Variants in WDR20 observed in about 807,000 individuals in gnomAD.
WDR20 encodes the protein WD repeat-containing protein 20.
A neutral mutation model predicts 38.7 loss-of-function variants in WDR20; 3 were observed. That is an observed-to-expected ratio of 0.08 (90% confidence interval 0.04 to 0.20). WDR20 has a LOEUF of 0.20. Among genes scored for constraint, WDR20 ranks in the 10% least tolerant of loss-of-function variants. The probability of loss-of-function intolerance (pLI) is 1.00; values close to 1 mark genes in which losing one functional copy is unlikely to be tolerated. For missense variants in WDR20, 559 were observed against 727.7 expected, an observed-to-expected ratio of 0.77 and a Z score of 2.67; for synonymous variants, 298 against 285.6, an observed-to-expected ratio of 1.04 and a Z score of -0.44.
chr14:102,149,254 C>T (rs149011174), intron 1 of WDR20, among the ~76,000 whole-genome samples: 1 of 152,308 alleles, frequency 6.6e-6, no homozygotes, highest in East Asian at 1.9e-4. Context: ...TGACCTTGAA[C>T]TCCTGGGCTC....
chr14:102,151,173 A>ATT (rs534503694), intron 1 of WDR20, among the ~76,000 whole-genome samples: 2,136 of 111,384 alleles, frequency 0.019, 47 homozygotes, highest in Middle Eastern at 0.038. Context: ...CCATTGGGGA[A>ATT]TTTTTTTTTT....
downstream of WDR20, among the ~76,000 whole-genome samples, chr14:102,223,868 CTGTG>C (rs368794017): frequency 2.0e-4 from 31 of 152,184 alleles, no homozygotes; most frequent in African/African-American, 7.5e-4. Flanking sequence ...CCTCAGCTGT[CTGTG>C]GCCACTGTGG....
At chr14:102,160,098 T>C (rs2058306653) in intron 1 of WDR20, among the ~76,000 whole-genome samples, 1 of 152,204 alleles carries the variant, frequency 6.6e-6, no homozygotes, top group South Asian at 2.1e-4. Flanking sequence ...AGCGAAACCC[T>C]GTCTCTAAAA....
At chr14:102,163,411 T>G (rs2059152773) in intron 1 of WDR20, among the ~76,000 whole-genome samples, 1 of 151,994 alleles carries the variant, frequency 6.6e-6, no homozygotes, top group Non-Finnish European at 1.5e-5. Flanking sequence ...GCGGATCACC[T>G]GAGGTCAGGA....
chr14:102,219,314 G>C (rs1373627124), downstream of WDR20, among the ~76,000 whole-genome samples: 1 of 152,254 alleles, frequency 6.6e-6, no homozygotes, highest in African/African-American at 2.4e-5. Flanking sequence ...GCAAGTGACA[G>C]GTGCCAAGAT....
intron 1 of WDR20, among the ~76,000 whole-genome samples, chr14:102,152,153 T>C (rs548068396): frequency 2.6e-5 from 4 of 152,088 alleles, no homozygotes; most frequent in Admixed American, 1.3e-4. Context: ...TGACCTGATA[T>C]CATCCTCCCA....
rs959320755 is a variant in WDR20, at chr14:102,149,096, C to T, written c.249+8924C>T. On this transcript the variant is annotated intron_variant, in intron 1 of 2. Transcript: ENST00000342702. ...GAGAATACTTGAACCCGGGAGGTGG[C>T]GCTTGCAGTGAGCTGAGATCGTGCC... Among the ~76,000 whole-genome samples, 8 of 151,958 alleles carry T rather than the reference C, an allele frequency of 5.3e-5. No individual in the cohort carries two copies. The East Asian group carries it at 5.8e-4, about 11-fold the overall frequency.
intron 1 of WDR20, chr14:102,191,460 A>ATT (rs1195748827): frequency 6.6e-6 from 1 of 152,346 alleles, no homozygotes; most frequent in African/African-American, 2.4e-5. Context: ...ATCAGTGGAA[A>ATT]TTGAGTTAGA....
At position 102,207,977 on chromosome 14, in the gene WDR20, C is replaced by T. The variant is rs116708519; in HGVS notation, c.433-626C>T. The stretch of plus-strand genomic sequence containing the variant: ...TCGAGGAGATGCTTATGGAGATGCA[C>T]GTGGGGCGGTGCATGGGAGTGAGGC... On this transcript the variant is annotated intron_variant, in intron 2 of 2. Transcript: ENST00000342702. This position sits in a 1 kb window ranked among gnomAD's most constrained non-coding sequence, Gnocchi z 5.0. Among the ~76,000 whole-genome samples the T allele has an allele frequency of 4.7e-3, 708 of 152,256 alleles. 5 individuals carry two copies. The highest frequency in any genetic ancestry group is 0.016 in the African/African-American group (656 of 41,558).
At chr14:102,218,538 T>C (rs1426090138), downstream of WDR20, among the ~76,000 whole-genome samples, 1 of 152,238 alleles carries the variant, frequency 6.6e-6, no homozygotes, top group Non-Finnish European at 1.5e-5. Context: ...TATTGTAAAT[T>C]GTTTTGAACC....
chr14:102,168,765 C>CTGTT (rs1049032700), intron 1 of WDR20, among the ~76,000 whole-genome samples: 16 of 152,178 alleles, frequency 1.1e-4, no homozygotes, highest in Admixed American at 2.6e-4. Context: ...TCAGTAGAGC[C>CTGTT]TGTTGACTCT....
chr14:102,144,613 A>G (rs2052899008), intron 1 of WDR20, among the ~76,000 whole-genome samples: 1 of 152,172 alleles, frequency 6.6e-6, no homozygotes, highest in Admixed American at 6.5e-5. Flanking sequence ...GCCTCCATTC[A>G]GATCTCAGCT....
At chr14:102,213,222 T>C, downstream of WDR20, 1 of 985,492 alleles carries the variant, frequency 1.0e-6, no homozygotes, top group Non-Finnish European at 1.2e-6. Context: ...TGAGGCTTTT[T>C]TCTTATTCAG....
Position 102,207,770 on chromosome 14 carries a change from G to T in WDR20, c.433-833G>T, listed in dbSNP as rs2061818698. Among the ~76,000 whole-genome samples the T allele has an allele frequency of 6.6e-6, 1 of 152,118 alleles. No individual in the cohort carries two copies. Among genetic ancestry groups the T allele is most frequent in the Non-Finnish European group, 1.5e-5 (1 of 68,020 alleles). ...AGGGAAAGAGACTTGTGCCTTTGGT[G>T]GGGCAGGTATTTTTGCCCTTCGTTA... is the stretch of plus-strand genomic sequence containing the variant. On this transcript the variant is annotated intron_variant, in intron 2 of 2. Transcript: ENST00000342702. This position sits in a 1 kb window ranked among gnomAD's most constrained non-coding sequence, Gnocchi z 5.0.
intron 1 of WDR20, among the ~76,000 whole-genome samples, chr14:102,194,125 G>A (rs989468845): frequency 2.5e-4 from 38 of 152,218 alleles, no homozygotes; most frequent in Admixed American, 1.2e-3. Flanking sequence ...GTATGGTGAC[G>A]TTGGTCAAGT....
rs141952409 is a variant in WDR20, at chr14:102,209,701, A to G, written c.1531A>G (p.Thr511Ala). The part of the protein sequence containing the change: ...TKTDPAKTLG[T>A]PLCPRMEDVP... The stretch of plus-strand genomic sequence containing the variant: ...AACGGACCCTGCTAAAACTCTGGGA[A>G]CGCCCCTGTGTCCTCGAATGGAAGA... The change falls in exon 3 of 3, where the codon ACG (threonine) becomes GCG (alanine). Residue 511 changes from threonine to alanine, a missense_variant. By Grantham distance (58) the Thr-to-Ala change is moderately conservative. Transcript: ENST00000342702. The surrounding 1 kb of genome is among the most constrained non-coding windows in gnomAD (Gnocchi z 6.0). 6.2e-6 allele frequency: 10 copies of G among 1,614,002 alleles called. No homozygotes were observed. Among genetic ancestry groups the G allele is most frequent in the Middle Eastern group, 1.6e-4 (1 of 6,084 alleles).
chr14:102,178,070 G>A (rs1227576594), intron 1 of WDR20, among the ~76,000 whole-genome samples: 1 of 152,102 alleles, frequency 6.6e-6, no homozygotes, highest in African/African-American at 2.4e-5. Context: ...GTAGGGTGGT[G>A]GAGTTTGAGA....
exon 4 of WDR20, chr14:102,223,355 G>A (rs1315533853): frequency 6.6e-6 from 1 of 152,636 alleles, no homozygotes; most frequent in Non-Finnish European, 1.5e-5. Flanking sequence ...ATGTAATTCA[G>A]GAAGACAGAC....
chr14:102,214,631 A>G, downstream of WDR20: 1 of 985,100 alleles, frequency 1.0e-6, no homozygotes, highest in Non-Finnish European at 1.2e-6. Context: ...AGAGATTGTT[A>G]TGTTAGGCGA....
Sources: gnomAD v4.1 joint callset for allele counts (sites outside exome capture counted in the v4.1 genomes callset) on GRCh38, gnomAD v4.1.1 for gene constraint, Gnocchi (gnomAD v3.1) non-coding constraint, MANE v1.5 for transcripts, NCBI Gene and HGNC (gene_info 2026-07-23, HGNC 2026-07-21) for gene names.